GSE1: variants seen among roughly 807,000 people sequenced by gnomAD.
GSE1 encodes the protein genetic suppressor element 1.
In GSE1, 32 loss-of-function variants were observed where a neutral mutation model predicts 112.6. The observed-to-expected ratio is 0.28, with a 90% CI of 0.21 to 0.38. The LOEUF (loss-of-function observed/expected upper bound fraction) is 0.38. GSE1 is among the 10% of genes least tolerant of loss of function. GSE1 has a pLI of 1.00. For missense variants in GSE1, 2,348 were observed against 1,699.2 expected (o/e 1.38, Z -6.71); for synonymous variants, 1,115 against 735.6 (o/e 1.52, Z -8.35).
chr16:85,172,710 C>A (rs1177049842), intron 1 of GSE1, among the ~76,000 whole-genome samples: 3 of 152,212 alleles, frequency 2.0e-5, no homozygotes, highest in Non-Finnish European at 4.4e-5. Context: ...CCTGTAGTGG[C>A]AGCTGCTGGC....
intron 2 of GSE1, among the ~76,000 whole-genome samples, chr16:85,517,253 G>A (rs2051980162): frequency 6.6e-6 from 1 of 152,066 alleles, no homozygotes; most frequent in Non-Finnish European, 1.5e-5. Flanking sequence ...TGGGAGGCGG[G>A]AGGAGATGGG....
intron 2 of GSE1, among the ~76,000 whole-genome samples, chr16:85,439,538 A>G (rs895456218): frequency 6.7e-6 from 1 of 149,482 alleles, no homozygotes; most frequent in Non-Finnish European, 1.5e-5. Flanking sequence ...GGTCTGTCAC[A>G]CACACACACA....
chr16:85,567,914 G>T (rs2045828374), intron 1 of GSE1, among the ~76,000 whole-genome samples: 1 of 151,896 alleles, frequency 6.6e-6, no homozygotes. Flanking sequence ...TGTAGAGACA[G>T]AGTCTTCTTA....
At chr16:85,309,236 A>G (rs2045763252) in intron 1 of GSE1, among the ~76,000 whole-genome samples, 2 of 152,140 alleles carry the variant, frequency 1.3e-5, no homozygotes, top group African/African-American at 2.4e-5. Context: ...GCCATGGCTC[A>G]CACCTGTAAT....
chr16:85,654,518 C>T, intron 4 of GSE1, 68 bp downstream of exon 4: 1 of 1,373,864 alleles, frequency 7.3e-7, no homozygotes, highest in Non-Finnish European at 1.0e-6. Flanking sequence ...GTCTGGGTCC[C>T]CAGGCAGCCT....
At chr16:85,518,377 C>T (rs139203191) in intron 2 of GSE1, among the ~76,000 whole-genome samples, 82 of 152,278 alleles carry the variant, frequency 5.4e-4, no homozygotes, top group Admixed American at 2.4e-3. Context: ...TGGCCGGAAC[C>T]GTCCTGTGTG....
chr16:85,339,364 G>A (rs887560100), intron 1 of GSE1, among the ~76,000 whole-genome samples: 2 of 152,128 alleles, frequency 1.3e-5, no homozygotes, highest in African/African-American at 4.8e-5. Context: ...CGCTCCAGCC[G>A]TGATTTCTCC....
At chr16:85,471,821 C>T (rs1260325182) in intron 2 of GSE1, among the ~76,000 whole-genome samples, 7 of 152,206 alleles carry the variant, frequency 4.6e-5, no homozygotes. Flanking sequence ...AATGATCTTC[C>T]CGCCTCAGCC....
intron 2 of GSE1, among the ~76,000 whole-genome samples, chr16:85,647,541 A>T (rs2050975271): frequency 6.6e-6 from 1 of 152,090 alleles, no homozygotes; most frequent in African/African-American, 2.4e-5. Flanking sequence ...CTCAGCCACC[A>T]CCGCACTGCA....
intron 2 of GSE1, among the ~76,000 whole-genome samples, chr16:85,369,869 C>G (rs1483535488): frequency 6.6e-6 from 1 of 152,226 alleles, no homozygotes; most frequent in African/African-American, 2.4e-5. Flanking sequence ...GGACTGGTCC[C>G]TCAGCCTCAC....
chr16:85,380,262 T>C (rs948996876), intron 2 of GSE1, among the ~76,000 whole-genome samples: 8 of 152,122 alleles, frequency 5.3e-5, no homozygotes, highest in Non-Finnish European at 4.4e-5. Context: ...GTGGAGGCTG[T>C]GACTTGAAAG....
intron 1 of GSE1, among the ~76,000 whole-genome samples, chr16:85,335,652 G>A (rs1016440822): frequency 2.0e-5 from 3 of 152,226 alleles, no homozygotes; most frequent in Non-Finnish European, 2.9e-5. Flanking sequence ...CAGGGTGGCA[G>A]TCTCATGCCC....
chr16:85,501,579 G>A (rs1246170045), intron 2 of GSE1, among the ~76,000 whole-genome samples: 43 of 151,804 alleles, frequency 2.8e-4, no homozygotes, highest in African/African-American at 9.4e-4. Flanking sequence ...ATTTTTTGCA[G>A]AGACTAGGTT....
chr16:85,228,952 C>T (rs2075535532), intron 1 of GSE1, among the ~76,000 whole-genome samples: 1 of 152,236 alleles, frequency 6.6e-6, no homozygotes, highest in African/African-American at 2.4e-5. Context: ...CTGTTCTGAG[C>T]TGGGCAGGAC....
intron 2 of GSE1, among the ~76,000 whole-genome samples, chr16:85,428,905 G>A (rs2049053810): frequency 6.6e-6 from 1 of 152,184 alleles, no homozygotes; most frequent in South Asian, 2.1e-4. Context: ...TCACTGGCCG[G>A]TGAGCTGTGG....
intron 1 of GSE1, among the ~76,000 whole-genome samples, chr16:85,260,735 C>T (rs1167883276): frequency 6.6e-6 from 1 of 152,248 alleles, no homozygotes; most frequent in East Asian, 1.9e-4. Context: ...CAGGGAGCTG[C>T]TGTTCCCCTG....
At chr16:85,444,289 G>C (rs1266623603) in intron 2 of GSE1, among the ~76,000 whole-genome samples, 3 of 152,148 alleles carry the variant, frequency 2.0e-5, no homozygotes, top group Admixed American at 6.5e-5. Context: ...CGGTCAGGGG[G>C]GTGCTTTCTA....
upstream of GSE1, chr16:85,611,350 G>T (rs2047969392): frequency 1.6e-5 from 6 of 372,436 alleles, no homozygotes; most frequent in Non-Finnish European, 2.2e-5. Context: ...GCCGCCTGGG[G>T]CCGGGTGAAT....
rs917162396 is a variant in GSE1 at position 85,673,460 on chromosome 16, GTTTTGGTTTT to G, written c.*928_*937del. The G allele has an allele frequency of 9.0e-6, 1 of 110,934 alleles. No homozygotes were observed. The highest frequency in any genetic ancestry group is 3.3e-5 in the African/African-American group (1 of 30,630). The allele number at this position is 110,934 out of a possible 1,614,324, so 6.9% of individuals were successfully genotyped here. A position where few individuals can be genotyped will look rare whatever the true frequency, so the allele number is the denominator to read the frequency against. ...TTCCTGTTTGGGGGTTTTGTTTGTT[GTTTTGGTTTT>G]TTTTGGGCAAAAAAAAAAAAAAAAC... On this transcript the variant is annotated 3_prime_UTR_variant, in exon 16 of 16. Transcript: ENST00000253458.
Sources: gnomAD v4.1 joint callset for allele counts (sites outside exome capture counted in the v4.1 genomes callset) on GRCh38, gnomAD v4.1.1 for gene constraint, MANE v1.5 for transcripts, NCBI Gene and HGNC (gene_info 2026-07-23, HGNC 2026-07-21) for gene names.